Variants in EPS15 observed in about 807,000 individuals in gnomAD.
The protein encoded by EPS15 is epidermal growth factor receptor pathway substrate 15, also known as epidermal growth factor receptor substrate 15.
In EPS15, 72 loss-of-function variants were observed where a neutral mutation model predicts 113.8. The observed-to-expected ratio is 0.63, with a 90% CI of 0.52 to 0.77. The LOEUF (loss-of-function observed/expected upper bound fraction) is 0.77, where lower values mean the gene tolerates loss of function less well. Among genes scored for constraint, EPS15 ranks in the 30% least tolerant of loss-of-function variants. The pLI is 0.00. For missense variants in EPS15, 1,048 were observed against 1,045.8 expected (o/e 1.00, Z -0.03); for synonymous variants, 344 against 363.4 (o/e 0.95, Z 0.61).
intron 1 of EPS15, among the ~76,000 whole-genome samples, chr1:51,488,255 T>TGTCAAA (rs71578074): frequency 0.058 from 8,757 of 152,118 alleles, 341 homozygotes; most frequent in Non-Finnish European, 0.086. Context: ...TAACTCCAAC[T>TGTCAAA]GTCAAAATCA....
chr1:51,402,325 C>A, intron 18 of EPS15, 110 bp downstream of exon 18: 1 of 537,828 alleles, frequency 1.9e-6, no homozygotes, highest in Non-Finnish European at 3.2e-6. Flanking sequence ...CCAGCCTGGG[C>A]GACAGACTGA....
rs1446227797 is a variant in EPS15, at chr1:51,381,868, T to C, written c.2119+12513A>G. On this transcript the variant is annotated intron_variant, in intron 21 of 24. Coordinates refer to ENST00000371733, the MANE Select transcript of EPS15 (RefSeq NM_001981.3). The stretch of plus-strand genomic sequence containing the variant: ...AATACTTAAAAAAGAAGAGCTCAAA[T>C]CAACAACCTAACTTTACACTGTAAA... 3.3e-5 allele frequency among the ~76,000 whole-genome samples: 5 copies of C among 151,676 alleles called. No individual in the cohort carries two copies. In the East Asian group the frequency reaches 9.7e-4, roughly 29 times the overall value.
chr1:51,439,050 C>T (rs1652377968), intron 12 of EPS15, among the ~76,000 whole-genome samples: 1 of 152,032 alleles, frequency 6.6e-6, no homozygotes, highest in South Asian at 2.1e-4. Flanking sequence ...CACTCTTCAC[C>T]AAATTTGAAA....
chr1:51,397,742 T>C (rs1037460460), intron 20 of EPS15, among the ~76,000 whole-genome samples: 3 of 152,188 alleles, frequency 2.0e-5, no homozygotes, highest in African/African-American at 7.2e-5. Context: ...CTTTCAATAA[T>C]ACAAAACCTA....
intron 11 of EPS15, 56 bp from the exon 12 acceptor site, chr1:51,440,488 A>T: frequency 1.4e-6 from 1 of 737,204 alleles, no homozygotes; most frequent in South Asian, 2.1e-5. Flanking sequence ...AATATAAGAC[A>T]AAACACTAAA....
chr1:51,474,114 A>G (rs1655432258), intron 2 of EPS15, among the ~76,000 whole-genome samples: 1 of 152,224 alleles, frequency 6.6e-6, no homozygotes, highest in Non-Finnish European at 1.5e-5. Flanking sequence ...GAATTTTACT[A>G]TCTTCCATTC....
chr1:51,440,935 T>C (rs1004969424), intron 11 of EPS15, among the ~76,000 whole-genome samples: 1 of 152,136 alleles, frequency 6.6e-6, no homozygotes, highest in Non-Finnish European at 1.5e-5. Flanking sequence ...GTGTCTATTT[T>C]ATTTAAAGTA....
chr1:51,374,020 G>A (rs984938910), intron 21 of EPS15, among the ~76,000 whole-genome samples: 6 of 152,296 alleles, frequency 3.9e-5, no homozygotes, highest in Middle Eastern at 3.4e-3. Flanking sequence ...AAAATTAAGA[G>A]AAGAAATATG....
chr1:51,364,006 C>T lies in EPS15; in HGVS notation c.2219G>A (p.Arg740His), dbSNP rs768038641. Reference protein sequence around the residue: ...LSKVNNEDPFRSATSSSVSNV... With the variant: ...LSKVNNEDPFHSATSSSVSNV... ...GCTGACAGAGCTCGATGTGGCTGAACGAAAAGGATCTTCATTGTTGACCTT... is the reference window on the plus strand; with the variant it reads ...GCTGACAGAGCTCGATGTGGCTGAATGAAAAGGATCTTCATTGTTGACCTT... Residue 740 changes from arginine to histidine, a missense_variant, in exon 23 of 25, where the codon CGT (arginine) becomes CAT (histidine). Physicochemically the swap from Arg to His is conservative, Grantham distance 29. Transcript: ENST00000371733. The T allele has an allele frequency of 5.0e-6, 8 of 1,611,508 alleles. No individual in the cohort carries two copies. Among genetic ancestry groups the T allele is most frequent in the Admixed American group, 3.4e-5 (2 of 59,696 alleles).
chr1:51,380,600 A>C (rs1183271653), intron 21 of EPS15, among the ~76,000 whole-genome samples: 1 of 152,222 alleles, frequency 6.6e-6, no homozygotes, highest in Non-Finnish European at 1.5e-5. Flanking sequence ...AAATCAACTA[A>C]ACATAAATGA....
At chr1:51,400,624 G>C (rs1401770035) in intron 19 of EPS15, among the ~76,000 whole-genome samples, 2 of 146,548 alleles carry the variant, frequency 1.4e-5, no homozygotes, top group South Asian at 2.1e-4. Context: ...TTGAGCCCAG[G>C]AAGTCAAGGC....
chr1:51,415,299 A>G (rs902461430), intron 13 of EPS15, among the ~76,000 whole-genome samples: 7 of 152,194 alleles, frequency 4.6e-5, no homozygotes, highest in African/African-American at 1.7e-4. Flanking sequence ...ACATTCATTC[A>G]AATTTCCCAG....
At chr1:51,387,320 C>T (rs1219584662) in intron 21 of EPS15, among the ~76,000 whole-genome samples, 2 of 151,878 alleles carry the variant, frequency 1.3e-5, no homozygotes, top group African/African-American at 2.4e-5. Context: ...CTGAAGGAAG[C>T]ACTAAACATG....
In EPS15 at chr1:51,444,236, C is replaced by T. The variant is rs151146621; in HGVS notation, c.954+653G>A. Among the ~76,000 whole-genome samples, 74 of 152,236 alleles carry T rather than the reference C, an allele frequency of 4.9e-4. No individual in the cohort carries two copies. In the East Asian group the frequency reaches 0.011, roughly 23 times the overall value. On this transcript the variant is annotated intron_variant, in intron 11 of 24. Coordinates refer to ENST00000371733, the MANE Select transcript of EPS15 (RefSeq NM_001981.3). ...ATTAAAGGCCAAGATATTGCAAATG[C>T]ATCATACTAGGAAGGGTTTCTACAT...
At chr1:51,465,546 G>GC (rs909978451) in intron 5 of EPS15, among the ~76,000 whole-genome samples, 1 of 151,844 alleles carries the variant, frequency 6.6e-6, no homozygotes, top group African/African-American at 2.4e-5. Flanking sequence ...GTTTTATTTT[G>GC]TTTTTGAGAT....
chr1:51,410,228 CAA>C (rs556314251), intron 13 of EPS15, among the ~76,000 whole-genome samples: 1 of 140,222 alleles, frequency 7.1e-6, no homozygotes. Flanking sequence ...AACTCCATCT[CAA>C]AAAAAAAAAA....
At chr1:51,460,811 G>A in intron 8 of EPS15, 1 of 304,308 alleles carries the variant, frequency 3.3e-6, no homozygotes, top group Non-Finnish European at 6.1e-6. Context: ...AAAATTAGCT[G>A]GGCGTGGTGG....
chr1:51,496,759 A>AC (rs1340129987), intron 1 of EPS15, among the ~76,000 whole-genome samples: 1 of 152,134 alleles, frequency 6.6e-6, no homozygotes, highest in Non-Finnish European at 1.5e-5. Flanking sequence ...TAAACTGTTA[A>AC]TTTTTAAAAT....
At chr1:51,461,885 G>A (rs1055890802) in intron 7 of EPS15, 4 of 152,156 alleles carry the variant, frequency 2.6e-5, no homozygotes, top group African/African-American at 9.7e-5. Flanking sequence ...AGCAATCATG[G>A]TAATAAGCAG....
Sources: allele counts gnomAD v4.1 joint callset (sites outside exome capture counted in the v4.1 genomes callset), GRCh38; gene constraint gnomAD v4.1.1; transcripts MANE v1.5; gene names NCBI Gene and HGNC (gene_info 2026-07-23, HGNC 2026-07-21).